Variants in PCDH15 observed in about 807,000 individuals in gnomAD.
PCDH15 encodes the protein protocadherin-15.
Under a neutral mutation model 178.5 loss-of-function variants are expected in PCDH15, and 129 were observed. The observed-to-expected ratio is 0.72, with a 90% CI of 0.63 to 0.84. The LOEUF (loss-of-function observed/expected upper bound fraction) is 0.84, where lower values mean the gene tolerates loss of function less well. Among genes scored for constraint, PCDH15 ranks in the 40% least tolerant of loss-of-function variants. The probability of loss-of-function intolerance (pLI) is 0.00; values close to 1 mark genes in which losing one functional copy is unlikely to be tolerated. For missense variants in PCDH15, 2,230 were observed against 2,099.9 expected (o/e 1.06, Z -1.21); for synonymous variants, 800 against 732.0 (o/e 1.09, Z -1.50).
At chr10:53,958,993 A>AAAGAAAAAG (rs1564860354) in intron 23 of PCDH15, among the ~76,000 whole-genome samples, 7 of 149,606 alleles carry the variant, frequency 4.7e-5, no homozygotes, top group African/African-American at 1.7e-4. Context: ...AAAAAAAAAA[A>AAAGAAAAAG]AAAAAAAAAA....
At chr10:54,685,835 T>C (rs1439953910) in intron 1 of PCDH15, among the ~76,000 whole-genome samples, 3 of 152,110 alleles carry the variant, frequency 2.0e-5, no homozygotes, top group Non-Finnish European at 4.4e-5. Flanking sequence ...ATGTGACTGA[T>C]TGAACTGCAC....
At position 54,593,641 on chromosome 10, in the gene PCDH15, G is replaced by T. The variant is rs148156939; in HGVS notation, c.92-65764C>A. Among the ~76,000 whole-genome samples, 379 of 151,974 alleles carry T rather than the reference G, an allele frequency of 2.5e-3. 1 individual carries two copies. Among genetic ancestry groups the T allele is most frequent in the Admixed American group, 6.2e-3 (94 of 15,250 alleles). Reference sequence around the variant, plus strand: ...GCTTTTCTTGCTCATAATTGGTTTAGCTATTTGCTATTTGGAGTTTATTGT... The same window carrying T: ...GCTTTTCTTGCTCATAATTGGTTTATCTATTTGCTATTTGGAGTTTATTGT... On this transcript the variant is annotated intron_variant, in intron 2 of 37. Coordinates refer to ENST00000644397, the MANE Select transcript of PCDH15 (RefSeq NM_001384140.1).
chr10:55,444,122 C>A (rs1193652963), intron 2 of PCDH15, among the ~76,000 whole-genome samples: 2 of 127,168 alleles, frequency 1.6e-5, no homozygotes, highest in East Asian at 5.0e-4. Context: ...CATCACACAC[C>A]GGGGCCTATC....
At chr10:55,434,897 C>G (rs1301408943) in intron 2 of PCDH15, among the ~76,000 whole-genome samples, 1 of 152,106 alleles carries the variant, frequency 6.6e-6, no homozygotes. Context: ...GCCACCACAC[C>G]CAGCCTGATG....
intron 8 of PCDH15, among the ~76,000 whole-genome samples, chr10:54,279,921 C>T (rs1482068256): frequency 1.3e-5 from 2 of 151,682 alleles, no homozygotes; most frequent in Non-Finnish European, 3.0e-5. Context: ...TGCTTTGAGA[C>T]TTTCCTAGAA....
chr10:55,236,528 G>T, intron 1 of PCDH15, among the ~76,000 whole-genome samples: 1 of 151,992 alleles, frequency 6.6e-6, no homozygotes, highest in East Asian at 1.9e-4. Flanking sequence ...TGAGCAATTT[G>T]TGCCTTATTA....
At chr10:54,644,286 T>C (rs111765830) in intron 2 of PCDH15, among the ~76,000 whole-genome samples, 9,589 of 149,536 alleles carry the variant, frequency 0.064, 833 homozygotes, top group African/African-American at 0.19. Context: ...GCATATTCAG[T>C]AAGCTTTGAA....
chr10:54,784,547 T>G (rs576401591), intron 1 of PCDH15, among the ~76,000 whole-genome samples: 4 of 152,132 alleles, frequency 2.6e-5, no homozygotes, highest in Non-Finnish European at 2.9e-5. Flanking sequence ...CTTTCCTATA[T>G]GGACAAAAAC....
chr10:54,507,279 A>G (rs999081976), intron 3 of PCDH15, among the ~76,000 whole-genome samples: 14 of 151,556 alleles, frequency 9.2e-5, no homozygotes, highest in Non-Finnish European at 5.9e-5. Context: ...AATAATAATA[A>G]TACTTTTATT....
chr10:55,145,378 G>T (rs1481304291), intron 2 of PCDH15, among the ~76,000 whole-genome samples: 1 of 151,904 alleles, frequency 6.6e-6, no homozygotes, highest in Non-Finnish European at 1.5e-5. Flanking sequence ...TGACGGATAG[G>T]GAAAAAATTG....
In PCDH15 at chr10:54,615,182, G is replaced by T. The variant is rs185782893; in HGVS notation, c.91+48990C>A. Reference sequence around the variant, plus strand: ...CATATTATGAATTGAGAATAAACACGCATTAAATAAGTGGTAAAGCGATAC... The same window carrying T: ...CATATTATGAATTGAGAATAAACACTCATTAAATAAGTGGTAAAGCGATAC... On this transcript the variant is annotated intron_variant, in intron 2 of 37. Transcript: ENST00000644397. Among the ~76,000 whole-genome samples the T allele has an allele frequency of 5.9e-3, 894 of 152,096 alleles. 3 individuals are homozygous for T. Among genetic ancestry groups the T allele is most frequent in the Middle Eastern group, 0.01 (3 of 294 alleles).
At position 53,804,715 on chromosome 10, in the gene PCDH15, A is replaced by C. The variant is rs1207512784; in HGVS notation, c.*1864T>G. The C allele has an allele frequency of 1.3e-5, 2 of 151,994 alleles. No individual in the cohort carries two copies. Among genetic ancestry groups the C allele is most frequent in the Non-Finnish European group, 2.9e-5 (2 of 67,904 alleles). The allele number at this position is 151,994 out of a possible 1,614,324, so 9.4% of individuals were successfully genotyped here. On this transcript the variant is annotated 3_prime_UTR_variant, in exon 38 of 38. Transcript: ENST00000644397. ...TCTGATTGAATTAGTAGGGAAATAT[A>C]TGCTTAATCTAATTCCTATACAAAG...
chr10:54,414,311 C>T (rs1198074603), intron 3 of PCDH15, among the ~76,000 whole-genome samples: 1 of 152,010 alleles, frequency 6.6e-6, no homozygotes, highest in Non-Finnish European at 1.5e-5. Context: ...TAACATTAAT[C>T]TACAAAATTA....
At chr10:53,922,462 A>C (rs2133889009) in intron 25 of PCDH15, among the ~76,000 whole-genome samples, 1 of 152,336 alleles carries the variant, frequency 6.6e-6, no homozygotes, top group Admixed American at 6.5e-5. Flanking sequence ...GAAGTTTGTA[A>C]AGATCAGAAC....
chr10:54,261,471 A>C (rs2057311479), intron 8 of PCDH15, among the ~76,000 whole-genome samples: 1 of 152,084 alleles, frequency 6.6e-6, no homozygotes. Flanking sequence ...ACAGATGAGA[A>C]ATACAAATGA....
At chr10:54,792,122 T>C (rs1951475482) in intron 1 of PCDH15, among the ~76,000 whole-genome samples, 1 of 151,808 alleles carries the variant, frequency 6.6e-6, no homozygotes, top group Admixed American at 6.6e-5. Context: ...GGCTCCAAAA[T>C]GGACTGGAAT....
chr10:55,362,681 T>G (rs1345219178), intron 2 of PCDH15, among the ~76,000 whole-genome samples: 1 of 152,110 alleles, frequency 6.6e-6, no homozygotes, highest in Non-Finnish European at 1.5e-5. Flanking sequence ...TGTGTGCATG[T>G]TTAGGTCTAT....
intron 2 of PCDH15, among the ~76,000 whole-genome samples, chr10:55,502,859 G>C (rs1282132691): frequency 6.6e-6 from 1 of 151,408 alleles, no homozygotes; most frequent in East Asian, 1.9e-4. Flanking sequence ...GTGTTTTGAA[G>C]AACAAATAGT....
At chr10:55,415,200 G>C (rs890641108) in intron 2 of PCDH15, among the ~76,000 whole-genome samples, 3 of 151,546 alleles carry the variant, frequency 2.0e-5, no homozygotes, top group African/African-American at 7.3e-5. Flanking sequence ...TTAATGTGGT[G>C]TATTACATTA....
Sources: allele counts gnomAD v4.1 joint callset (sites outside exome capture counted in the v4.1 genomes callset), GRCh38; gene constraint gnomAD v4.1.1; transcripts MANE v1.5; gene names NCBI Gene and HGNC (gene_info 2026-07-23, HGNC 2026-07-21).